Variants in ATAD2 observed in about 807,000 individuals in gnomAD.
ATAD2 encodes ATPase family AAA domain containing 2.
In ATAD2, 62 loss-of-function variants were observed where a neutral mutation model predicts 168.9. That is an observed-to-expected ratio of 0.37 (90% CI 0.30 to 0.45). The LOEUF (loss-of-function observed/expected upper bound fraction) is 0.45, where lower values mean the gene tolerates loss of function less well. Ranked by LOEUF, ATAD2 falls within the 20% of genes least tolerant of loss-of-function variation. ATAD2 has a pLI of 1.00. For synonymous variants in ATAD2, 613 were observed against 571.6 expected, an observed-to-expected ratio of 1.07 and a Z score of -1.03; for missense variants, 1,419 against 1,667.8, an observed-to-expected ratio of 0.85 and a Z score of 2.60.
intron 1 of ATAD2, chr8:123,401,842 C>A: frequency 1.3e-6 from 1 of 760,340 alleles, no homozygotes; most frequent in Non-Finnish European, 2.4e-6. Flanking sequence ...GCAGCAGCAG[C>A]CAGGCACGAT....
intron 18 of ATAD2, 109 bp downstream of exon 18, chr8:123,345,977 A>G (rs1257948202): frequency 3.3e-6 from 3 of 901,516 alleles, no homozygotes; most frequent in East Asian, 2.9e-5. Context: ...TTGTAAACCT[A>G]AAGTTACAAA....
intron 1 of ATAD2, among the ~76,000 whole-genome samples, chr8:123,392,580 T>C (rs1217775835): frequency 6.6e-6 from 1 of 151,710 alleles, no homozygotes; most frequent in Non-Finnish European, 1.5e-5. Context: ...ACTAAAGTAC[T>C]ATAATTCCTG....
chr8:123,359,491 A>G, intron 10 of ATAD2, 86 bp downstream of exon 10: 1 of 1,365,116 alleles, frequency 7.3e-7, no homozygotes, highest in Non-Finnish European at 1.0e-6. Context: ...GACTAAAAAG[A>G]AAAATCATTG....
intron 9 of ATAD2, among the ~76,000 whole-genome samples, chr8:123,361,194 G>C (rs1828808372): frequency 6.6e-6 from 1 of 151,832 alleles, no homozygotes; most frequent in African/African-American, 2.4e-5. Context: ...ATGCACACCT[G>C]TAACCCCAGC....
intron 24 of ATAD2, among the ~76,000 whole-genome samples, chr8:123,331,569 A>G (rs146685301): frequency 4.6e-5 from 7 of 152,228 alleles, no homozygotes; most frequent in Non-Finnish European, 8.8e-5. Flanking sequence ...AATGGTCCTT[A>G]TACTGGATTC....
intron 14 of ATAD2, among the ~76,000 whole-genome samples, chr8:123,348,602 C>T (rs967073517): frequency 1.3e-5 from 2 of 152,072 alleles, no homozygotes; most frequent in Non-Finnish European, 2.9e-5. Context: ...GCTTGAATCC[C>T]GGGGACGGAA....
chr8:123,352,621 C>T (rs900628), intron 13 of ATAD2: 1 of 151,248 alleles, frequency 6.6e-6, no homozygotes, highest in East Asian at 1.9e-4. Context: ...AAGAGGGTTC[C>T]GTAAGTTTTG....
chr8:123,366,198 C>G (rs1036288100), intron 8 of ATAD2, among the ~76,000 whole-genome samples: 1 of 152,102 alleles, frequency 6.6e-6, no homozygotes, highest in African/African-American at 2.4e-5. Context: ...CAGGGAAATG[C>G]AAATCAAAAC....
Position 123,369,936 on chromosome 8 carries a change from ATCATCATCG to A in ATAD2, c.807_815del (p.Asp275_Asp277del), listed in dbSNP as rs770840944. 9 of 1,576,198 alleles carry A rather than the reference ATCATCATCG, an allele frequency of 5.7e-6. No homozygotes were observed. The East Asian group carries it at 6.8e-5, about 12-fold the overall frequency. On this transcript the variant is annotated inframe_deletion, in exon 7 of 28. Coordinates refer to ENST00000287394, the MANE Select transcript of ATAD2 (RefSeq NM_014109.4). ...CATCATCTTCATCATCATCATCATC[ATCATCATCG>A]TCATCATCATCATCATCTTCATCAT...
intron 1 of ATAD2, among the ~76,000 whole-genome samples, chr8:123,389,986 T>TATATATTTA (rs58743148): frequency 3.0e-5 from 2 of 67,676 alleles, no homozygotes; most frequent in African/African-American, 5.6e-5. Context: ...ATATATATAT[T>TATATATTTA]TTTTTTTTTT....
intron 17 of ATAD2, 70 bp from the exon 18 acceptor site, chr8:123,346,342 C>G: frequency 2.9e-6 from 4 of 1,373,946 alleles, no homozygotes; most frequent in Non-Finnish European, 3.9e-6. Context: ...AAATTGTCAA[C>G]TATAAACTTT....
At chr8:123,394,506 G>A (rs1812739061) in intron 1 of ATAD2, among the ~76,000 whole-genome samples, 1 of 152,132 alleles carries the variant, frequency 6.6e-6, no homozygotes, top group Non-Finnish European at 1.5e-5. Flanking sequence ...GTGTATGTCT[G>A]TAATCCCAGC....
At chr8:123,409,642 G>A (rs1377063489) in intron 1 of ATAD2, among the ~76,000 whole-genome samples, 1 of 151,956 alleles carries the variant, frequency 6.6e-6, no homozygotes, top group African/African-American at 2.4e-5. Context: ...ACAAGCTTGA[G>A]CTACTACACC....
intron 1 of ATAD2, among the ~76,000 whole-genome samples, chr8:123,412,101 G>C (rs1813167344): frequency 6.6e-6 from 1 of 152,154 alleles, no homozygotes; most frequent in Non-Finnish European, 1.5e-5. Flanking sequence ...CAATCAGCAG[G>C]TAGGGTGGCA....
intron 19 of ATAD2, chr8:123,344,537 C>T (rs1373788994): frequency 9.3e-6 from 2 of 215,234 alleles, no homozygotes; most frequent in Non-Finnish European, 1.9e-5. Flanking sequence ...TTAGTAGGGA[C>T]AGGGTTTCAC....
chr8:123,328,516 C>G lies in ATAD2; in HGVS notation c.3542G>C (p.Arg1181Thr). ...ATCATCCTTTGCCTGTGAAATCTTC[C>G]TTCGCTTTTTTATGGTGCCTAAGTA... ...NWYLGTIKKR[R>T]KISQAKDDSQ... Residue 1181 changes from arginine to threonine, a missense_variant, in exon 25 of 28, where the codon AGG (arginine) becomes ACG (threonine). Coordinates refer to ENST00000287394, the MANE Select transcript of ATAD2 (RefSeq NM_014109.4). The G allele has an allele frequency of 6.3e-7, 1 of 1,593,634 alleles. No homozygotes were observed. The highest frequency in any genetic ancestry group is 8.5e-7 in the Non-Finnish European group (1 of 1,172,496).
At chr8:123,383,033 A>G (rs568132234) in intron 1 of ATAD2, among the ~76,000 whole-genome samples, 29 of 152,348 alleles carry the variant, frequency 1.9e-4, no homozygotes, top group African/African-American at 6.7e-4. Context: ...GGATGAGTTC[A>G]TGTCATTTGC....
At chr8:123,369,234 A>C in intron 7 of ATAD2, 59 bp from the exon 8 acceptor site, 1 of 641,070 alleles carries the variant, frequency 1.6e-6, no homozygotes, top group Non-Finnish European at 2.1e-6. Flanking sequence ...GCATACAAAT[A>C]TGTATGAAGA....
intron 13 of ATAD2, among the ~76,000 whole-genome samples, chr8:123,355,273 T>C (rs924010031): frequency 6.6e-6 from 1 of 152,220 alleles, no homozygotes; most frequent in East Asian, 1.9e-4. Context: ...TCACACACTA[T>C]ATCTTATTCA....
Sources: gnomAD v4.1 joint callset for allele counts (sites outside exome capture counted in the v4.1 genomes callset) on GRCh38, gnomAD v4.1.1 for gene constraint, MANE v1.5 for transcripts, NCBI Gene and HGNC (gene_info 2026-07-23, HGNC 2026-07-21) for gene names.